The following ENTREP2 variants were observed in gnomAD, a reference collection of about 807,000 sequenced individuals.
ENTREP2 encodes the protein endosomal transmembrane epsin interactor 2.
the ENTREP2 span, among the ~76,000 whole-genome samples, chr15:29,562,718 G>A: frequency 7.9e-5 from 12 of 152,200 alleles, no homozygotes; most frequent in African/African-American, 1.4e-4. Flanking sequence ...CTTTTTACCC[G>A]ATGCCCAAGG....
chr15:29,121,949 G>GACAAGCCCC, the ENTREP2 span: 2 of 152,270 alleles, frequency 1.3e-5, no homozygotes, highest in Admixed American at 6.5e-5. Flanking sequence ...GGAGCTCAAG[G>GACAAGCCCC]ACAAGCCCCA....
At chr15:29,234,193 A>C in the ENTREP2 span, 1 of 1,605,978 alleles carries the variant, frequency 6.2e-7, no homozygotes, top group Non-Finnish European at 8.5e-7. Context: ...TATCTGACCA[A>C]TCACCACGAA....
the ENTREP2 span, among the ~76,000 whole-genome samples, chr15:29,319,714 A>T: frequency 1.4e-3 from 212 of 152,328 alleles, 1 homozygote; most frequent in East Asian, 0.027. Flanking sequence ...ACAAACTGCC[A>T]CTGGGAAATC....
chr15:29,338,208 T>G, the ENTREP2 span, among the ~76,000 whole-genome samples: 1 of 148,050 alleles, frequency 6.8e-6, no homozygotes, highest in African/African-American at 2.5e-5. Flanking sequence ...GTTTAGGGAG[T>G]GAGGAGTGCA....
chr15:29,654,976 T>TA, the ENTREP2 span, among the ~76,000 whole-genome samples: 2 of 152,204 alleles, frequency 1.3e-5, no homozygotes, highest in East Asian at 3.8e-4. Flanking sequence ...ATCTATTAGT[T>TA]ATGCTGTTTC....
chr15:29,397,230 A>G, the ENTREP2 span, among the ~76,000 whole-genome samples: 1 of 152,044 alleles, frequency 6.6e-6, no homozygotes, highest in Non-Finnish European at 1.5e-5. Context: ...TCTCCACTAA[A>G]AATACAAACA....
the ENTREP2 span, among the ~76,000 whole-genome samples, chr15:29,414,593 G>A: frequency 1.4e-4 from 22 of 152,204 alleles, no homozygotes; most frequent in African/African-American, 5.1e-4. Flanking sequence ...AAAAGAACTA[G>A]AGAAGCAAGA....
At chr15:29,355,106 G>A in the ENTREP2 span, among the ~76,000 whole-genome samples, 5 of 152,140 alleles carry the variant, frequency 3.3e-5, no homozygotes, top group Non-Finnish European at 5.9e-5. Flanking sequence ...GTCTCAGGGT[G>A]AATCCTACGA....
the ENTREP2 span, among the ~76,000 whole-genome samples, chr15:29,634,590 A>G: frequency 6.6e-6 from 1 of 152,176 alleles, no homozygotes; most frequent in Admixed American, 6.5e-5. Flanking sequence ...GGTATCCCCC[A>G]ATTCAGTTCC....
chr15:29,281,663 C>G, the ENTREP2 span, among the ~76,000 whole-genome samples: 1 of 152,182 alleles, frequency 6.6e-6, no homozygotes, highest in African/African-American at 2.4e-5. Context: ...CTGCGGCAAC[C>G]CCGCTCTGGA....
At chr15:29,567,984 CG>C in the ENTREP2 span, among the ~76,000 whole-genome samples, 1 of 152,150 alleles carries the variant, frequency 6.6e-6, no homozygotes, top group East Asian at 1.9e-4. Flanking sequence ...TCTTAAATGA[CG>C]AACAACCTTG....
chr15:29,409,368 G>C, the ENTREP2 span, among the ~76,000 whole-genome samples: 1 of 150,940 alleles, frequency 6.6e-6, no homozygotes, highest in Non-Finnish European at 1.5e-5. Context: ...TGGAGATGGA[G>C]TCTCGCTTTG....
the ENTREP2 span, among the ~76,000 whole-genome samples, chr15:29,454,343 G>A: frequency 1.3e-5 from 2 of 152,116 alleles, no homozygotes; most frequent in Non-Finnish European, 2.9e-5. Flanking sequence ...ATTGGCAGGT[G>A]GACAGCGTAT....
chr15:29,580,607 C>T, the ENTREP2 span, among the ~76,000 whole-genome samples: 1 of 152,136 alleles, frequency 6.6e-6, no homozygotes, highest in Admixed American at 6.5e-5. Flanking sequence ...ATATTAGAAC[C>T]TCAAATGCAA....
chr15:29,300,110 T>G, the ENTREP2 span, among the ~76,000 whole-genome samples: 5 of 148,458 alleles, frequency 3.4e-5, no homozygotes, highest in African/African-American at 1.3e-4. Context: ...GGTGGGTGAG[T>G]GGATAAATGG....
At chr15:29,453,510 A>G in the ENTREP2 span, among the ~76,000 whole-genome samples, 1 of 152,252 alleles carries the variant, frequency 6.6e-6, no homozygotes, top group Non-Finnish European at 1.5e-5. Context: ...GCTTTGCCCC[A>G]GCAAATACAG....
chr15:29,450,171 G>C, the ENTREP2 span, among the ~76,000 whole-genome samples: 2 of 152,066 alleles, frequency 1.3e-5, no homozygotes, highest in Non-Finnish European at 2.9e-5. Context: ...TGCATAGTTT[G>C]CAAATATTTT....
the ENTREP2 span, among the ~76,000 whole-genome samples, chr15:29,539,064 G>A: frequency 2.0e-5 from 3 of 152,282 alleles, no homozygotes; most frequent in African/African-American, 7.2e-5. Flanking sequence ...ATGACAAGGG[G>A]TGGTGAGGGA....
the ENTREP2 span, among the ~76,000 whole-genome samples, chr15:29,393,899 A>G: frequency 6.6e-6 from 1 of 152,164 alleles, no homozygotes; most frequent in Admixed American, 6.5e-5. Context: ...TACTTTCAAA[A>G]AAACAAAATG....
Sources: gnomAD v4.1 joint callset for allele counts (sites outside exome capture counted in the v4.1 genomes callset) on GRCh38, gnomAD v4.1.1 for gene constraint, MANE v1.5 for transcripts, NCBI Gene and HGNC (gene_info 2026-07-23, HGNC 2026-07-21) for gene names.